Variants in CTNND2 observed in about 807,000 individuals in gnomAD.
The protein encoded by CTNND2 is catenin delta-2.
A neutral mutation model predicts 144.4 loss-of-function variants in CTNND2; 22 were observed. The ratio of observed to expected loss-of-function variants is 0.15; its 90% CI spans 0.11 to 0.22. The LOEUF (loss-of-function observed/expected upper bound fraction) is 0.22, where lower values mean the gene tolerates loss of function less well. Ranked by LOEUF, CTNND2 falls within the 10% of genes least tolerant of loss-of-function variation. CTNND2 has a pLI of 1.00. For synonymous variants in CTNND2, 751 were observed against 695.6 expected (o/e 1.08, Z -1.25); for missense variants, 1,353 against 1,618.8 (o/e 0.84, Z 2.82).
chr5:11,022,041 A>C (rs1471501211), intron 17 of CTNND2, among the ~76,000 whole-genome samples: 1 of 152,160 alleles, frequency 6.6e-6, no homozygotes, highest in East Asian at 1.9e-4. Flanking sequence ...TTGGTTCTTA[A>C]AAACTAGGAG....
chr5:11,234,515 T>C (rs1016954201), intron 10 of CTNND2, among the ~76,000 whole-genome samples: 1 of 152,214 alleles, frequency 6.6e-6, no homozygotes, highest in Non-Finnish European at 1.5e-5. Context: ...CTCATCCATC[T>C]GCCATGACTC....
chr5:11,204,804 T>C (rs770360404), intron 10 of CTNND2, among the ~76,000 whole-genome samples: 2 of 152,138 alleles, frequency 1.3e-5, no homozygotes, highest in Non-Finnish European at 2.9e-5. Context: ...TCGGGAGGTA[T>C]CTGTCTTTAT....
intron 3 of CTNND2, among the ~76,000 whole-genome samples, chr5:11,559,588 C>T: frequency 6.6e-6 from 1 of 152,202 alleles, no homozygotes; most frequent in Non-Finnish European, 1.5e-5. Flanking sequence ...ATCTTGCCTG[C>T]TTGCCCAGCC....
intron 2 of CTNND2, among the ~76,000 whole-genome samples, chr5:11,648,740 G>T (rs1282638291): frequency 6.6e-6 from 1 of 152,116 alleles, no homozygotes; most frequent in East Asian, 1.9e-4. Flanking sequence ...CCTAGAGCCA[G>T]CTGCCTAGAT....
At chr5:11,013,510 G>A (rs931622578) in intron 18 of CTNND2, among the ~76,000 whole-genome samples, 1 of 152,154 alleles carries the variant, frequency 6.6e-6, no homozygotes, top group African/African-American at 2.4e-5. Context: ...AAATGACCTT[G>A]TAGATAAAGA....
At chr5:11,722,676 G>A (rs1011815822) in intron 2 of CTNND2, among the ~76,000 whole-genome samples, 1 of 152,136 alleles carries the variant, frequency 6.6e-6, no homozygotes, top group African/African-American at 2.4e-5. Context: ...GGTGGGGGCG[G>A]AAAGCCCCTT....
intron 9 of CTNND2, among the ~76,000 whole-genome samples, chr5:11,287,004 G>T (rs1191221711): frequency 6.6e-6 from 1 of 152,144 alleles, no homozygotes; most frequent in African/African-American, 2.4e-5. Flanking sequence ...AAAGAGGAAT[G>T]AAATCTACAT....
chr5:11,553,465 T>C (rs1169363651), intron 3 of CTNND2, among the ~76,000 whole-genome samples: 4 of 152,246 alleles, frequency 2.6e-5, no homozygotes, highest in Non-Finnish European at 5.9e-5. Flanking sequence ...TACACATGAT[T>C]CACTCATAAC....
intron 2 of CTNND2, among the ~76,000 whole-genome samples, chr5:11,647,437 C>T (rs1358335214): frequency 1.3e-5 from 2 of 151,962 alleles, no homozygotes; most frequent in East Asian, 3.9e-4. Flanking sequence ...ATTTCTTATT[C>T]CCTACCAACC....
intron 3 of CTNND2, among the ~76,000 whole-genome samples, chr5:11,433,967 C>T (rs951911283): frequency 6.6e-6 from 1 of 152,078 alleles, no homozygotes; most frequent in African/African-American, 2.4e-5. Context: ...GGTTTCAAAC[C>T]AAGATATTTC....
chr5:11,100,542 A>T (rs1009896941), intron 14 of CTNND2, among the ~76,000 whole-genome samples: 1 of 152,228 alleles, frequency 6.6e-6, no homozygotes, highest in Non-Finnish European at 1.5e-5. Context: ...GACAGTAGTC[A>T]TTCTGTAGGT....
At chr5:11,381,974 C>CA (rs750978213) in intron 7 of CTNND2, among the ~76,000 whole-genome samples, 33 of 144,182 alleles carry the variant, frequency 2.3e-4, no homozygotes, top group South Asian at 1.6e-3. Context: ...CTCAAAAAAA[C>CA]AAAAAAACAA....
At chr5:11,743,404 G>A (rs998593089) in intron 1 of CTNND2, among the ~76,000 whole-genome samples, 3 of 152,126 alleles carry the variant, frequency 2.0e-5, no homozygotes, top group Admixed American at 6.5e-5. Flanking sequence ...TAAGACTTTC[G>A]CTTCCGTCAA....
chr5:11,866,802 T>G (rs1323486833), intron 1 of CTNND2, among the ~76,000 whole-genome samples: 1 of 152,244 alleles, frequency 6.6e-6, no homozygotes, highest in East Asian at 1.9e-4. Flanking sequence ...GCCATTAGGC[T>G]TCTCTTGGAA....
intron 2 of CTNND2, among the ~76,000 whole-genome samples, chr5:11,716,314 A>C (rs1786348059): frequency 6.6e-6 from 1 of 152,190 alleles, no homozygotes; most frequent in African/African-American, 2.4e-5. Flanking sequence ...TTAAATAATA[A>C]AATAATTGAG....
chr5:11,090,098 A>G (rs2973514), intron 15 of CTNND2, among the ~76,000 whole-genome samples: 22,228 of 152,126 alleles, frequency 0.15, 2,000 homozygotes, highest in African/African-American at 0.26. Context: ...CTTCATTCTG[A>G]GGCCCCTGGT....
chr5:11,246,707 G>A (rs1169600809), intron 9 of CTNND2, among the ~76,000 whole-genome samples: 4 of 134,398 alleles, frequency 3.0e-5, no homozygotes, highest in African/African-American at 1.2e-4. Flanking sequence ...ACGACAGTCT[G>A]TGTGTCTGTA....
intron 1 of CTNND2, among the ~76,000 whole-genome samples, chr5:11,756,645 C>T (rs1199133915): frequency 8.9e-5 from 1 of 11,266 alleles, no homozygotes. Context: ...CACACACATA[C>T]ATACACACAC....
At chr5:11,830,418 G>A (rs149393495) in intron 1 of CTNND2, among the ~76,000 whole-genome samples, 5 of 152,236 alleles carry the variant, frequency 3.3e-5, no homozygotes, top group Middle Eastern at 3.4e-3. Context: ...AGTCTTTCCC[G>A]TGCTGTTTTC....
Sources: allele counts gnomAD v4.1 joint callset (sites outside exome capture counted in the v4.1 genomes callset), GRCh38; gene constraint gnomAD v4.1.1; transcripts MANE v1.5; gene names NCBI Gene and HGNC (gene_info 2026-07-23, HGNC 2026-07-21).